The following RAB27B variants were observed in gnomAD, a reference collection of about 807,000 sequenced individuals.
RAB27B encodes the protein ras-related protein Rab-27B.
RAB27B carries 15 observed loss-of-function variants against 24.6 expected under a neutral mutation model. The observed-to-expected ratio is 0.61, with a 90% CI of 0.41 to 0.94. RAB27B has a LOEUF of 0.94. Ranked by LOEUF, RAB27B falls within the 40% of genes least tolerant of loss-of-function variation. The probability of loss-of-function intolerance (pLI) is 0.00; values close to 1 mark genes in which losing one functional copy is unlikely to be tolerated. For missense variants in RAB27B, 261 were observed against 266.8 expected (o/e 0.98, Z 0.15); for synonymous variants, 105 against 92.5 (o/e 1.14, Z -0.78).
chr18:54,879,609 GTAAT>G (rs1912841189), intron 3 of RAB27B, 155 bp downstream of exon 3: 3 of 664,570 alleles, frequency 4.5e-6, no homozygotes, highest in Middle Eastern at 2.8e-4. Flanking sequence ...TAAATGATTT[GTAAT>G]TAATTAATCA....
chr18:54,747,895 C>T (rs758367494), intron 2 of RAB27B, among the ~76,000 whole-genome samples: 1 of 152,030 alleles, frequency 6.6e-6, no homozygotes, highest in Non-Finnish European at 1.5e-5. Context: ...GTCACTTGAA[C>T]CCAGGAGTTC....
chr18:54,857,110 T>C (rs1911814671), intron 1 of RAB27B, among the ~76,000 whole-genome samples: 1 of 152,196 alleles, frequency 6.6e-6, no homozygotes, highest in Admixed American at 6.5e-5. Flanking sequence ...GAGAGACCAT[T>C]AACGATATAC....
At chr18:54,882,849 A>G (rs571004053) in intron 3 of RAB27B, among the ~76,000 whole-genome samples, 25 of 152,280 alleles carry the variant, frequency 1.6e-4, no homozygotes, top group Middle Eastern at 3.4e-3. Flanking sequence ...TCTAATCATT[A>G]AAATGTCGTT....
At chr18:54,779,723 C>A (rs1332552608) in intron 2 of RAB27B, among the ~76,000 whole-genome samples, 1 of 152,160 alleles carries the variant, frequency 6.6e-6, no homozygotes, top group Non-Finnish European at 1.5e-5. Flanking sequence ...CCACCTAAGA[C>A]CTATTGCATT....
intron 2 of RAB27B, among the ~76,000 whole-genome samples, chr18:54,733,662 C>G (rs951983765): frequency 7.3e-6 from 1 of 136,256 alleles, no homozygotes; most frequent in Non-Finnish European, 1.6e-5. Context: ...CCCCCCCCCC[C>G]AAATTTGCTA....
intron 1 of RAB27B, among the ~76,000 whole-genome samples, chr18:54,855,813 G>T (rs562132693): frequency 1.3e-5 from 2 of 152,094 alleles, no homozygotes; most frequent in South Asian, 2.1e-4. Flanking sequence ...AACATACAAG[G>T]TACCTTTGAG....
At chr18:54,827,817 C>T (rs1240518911), upstream of RAB27B, among the ~76,000 whole-genome samples, 4 of 152,114 alleles carry the variant, frequency 2.6e-5, no homozygotes, top group Non-Finnish European at 5.9e-5. Flanking sequence ...AATGGAATCC[C>T]AAGATGGGCA....
chr18:54,847,184 C>G (rs969754752), intron 1 of RAB27B, among the ~76,000 whole-genome samples: 37 of 152,198 alleles, frequency 2.4e-4, no homozygotes, highest in Admixed American at 1.4e-3. Context: ...TAATGAAGCT[C>G]AAGGCACTGA....
At position 54,771,591 on chromosome 18, in the gene RAB27B, A is replaced by AGTGTGT. The variant is rs36228307; in HGVS notation, c.-20+53492_-20+53497dup. Among the ~76,000 whole-genome samples, 658 of 144,982 alleles carry AGTGTGT rather than the reference A, an allele frequency of 4.5e-3. 1 individual carries two copies. The highest frequency in any genetic ancestry group is 7.5e-3 in the Non-Finnish European group (497 of 65,838). On this transcript the variant is annotated intron_variant, in intron 2 of 4. Transcript: ENST00000586570. ...ATTATGGTGATAGAGCTGATAGTTT[A>AGTGTGT]GTGTGTGTGTGTGTGTGTGTGTGTG...
intron 2 of RAB27B, among the ~76,000 whole-genome samples, chr18:54,762,380 A>G (rs753830074): frequency 1.2e-4 from 18 of 152,040 alleles, no homozygotes; most frequent in Non-Finnish European, 2.4e-4. Flanking sequence ...AGTAGAGACG[A>G]GGTTTCACCG....
intron 2 of RAB27B, among the ~76,000 whole-genome samples, chr18:54,724,065 G>T (rs1488296503): frequency 6.9e-6 from 1 of 143,952 alleles, no homozygotes; most frequent in Non-Finnish European, 1.6e-5. Context: ...TTTTTCAAAT[G>T]TGATTTTAGT....
At chr18:54,873,891 C>T (rs1209892906) in intron 1 of RAB27B, among the ~76,000 whole-genome samples, 1 of 152,074 alleles carries the variant, frequency 6.6e-6, no homozygotes, top group Admixed American at 6.5e-5. Context: ...AAGATTTTTC[C>T]ACAGTGCCAA....
intron 2 of RAB27B, among the ~76,000 whole-genome samples, chr18:54,823,254 C>T (rs1161994045): frequency 6.6e-6 from 1 of 152,220 alleles, no homozygotes; most frequent in Non-Finnish European, 1.5e-5. Flanking sequence ...GTGAGGTTTT[C>T]TCAAACTGGA....
intron 2 of RAB27B, among the ~76,000 whole-genome samples, chr18:54,781,762 T>C (rs1395556990): frequency 1.3e-5 from 2 of 152,184 alleles, no homozygotes; most frequent in Non-Finnish European, 2.9e-5. Flanking sequence ...AAGCAGTAGC[T>C]ATATAACCAA....
chr18:54,765,700 C>T (rs1908338943), intron 2 of RAB27B, among the ~76,000 whole-genome samples: 1 of 152,120 alleles, frequency 6.6e-6, no homozygotes, highest in Non-Finnish European at 1.5e-5. Flanking sequence ...TTTTTAACTT[C>T]TTATATCTCC....
intron 2 of RAB27B, among the ~76,000 whole-genome samples, chr18:54,741,325 T>C (rs745567700): frequency 1.3e-5 from 2 of 152,184 alleles, no homozygotes; most frequent in African/African-American, 2.4e-5. Flanking sequence ...CATTTGCCAA[T>C]ACAGTCAAAG....
intron 2 of RAB27B, among the ~76,000 whole-genome samples, chr18:54,721,860 T>G (rs1041286573): frequency 6.6e-6 from 1 of 152,188 alleles, no homozygotes; most frequent in African/African-American, 2.4e-5. Flanking sequence ...TGATGTATCA[T>G]CAGGGATCCA....
intron 2 of RAB27B, among the ~76,000 whole-genome samples, chr18:54,817,744 A>G (rs576677278): frequency 2.6e-5 from 4 of 151,890 alleles, no homozygotes; most frequent in South Asian, 2.1e-4. Flanking sequence ...CAGTGTAGTG[A>G]ACCTAGAGGA....
chr18:54,743,350 G>T (rs1329505787), intron 2 of RAB27B, among the ~76,000 whole-genome samples: 2 of 152,158 alleles, frequency 1.3e-5, no homozygotes, highest in South Asian at 2.1e-4. Context: ...TCTTCTAGGG[G>T]CTGATAATAG....
Sources: allele counts gnomAD v4.1 joint callset (sites outside exome capture counted in the v4.1 genomes callset), GRCh38; gene constraint gnomAD v4.1.1; transcripts MANE v1.5; gene names NCBI Gene and HGNC (gene_info 2026-07-23, HGNC 2026-07-21).